The following TXNRD2 variants were observed in gnomAD, a reference collection of about 807,000 sequenced individuals.
TXNRD2 encodes the protein thioredoxin reductase 2, mitochondrial.
TXNRD2 carries 67 observed loss-of-function variants against 70.8 expected under a neutral mutation model. The ratio of observed to expected loss-of-function variants is 0.95; its 90% CI spans 0.78 to 1.16. The LOEUF (loss-of-function observed/expected upper bound fraction) is 1.16, where lower values mean the gene tolerates loss of function less well. Among genes scored for constraint, TXNRD2 ranks in the 50% most tolerant of loss-of-function variants. TXNRD2 has a pLI of 0.00. For missense variants in TXNRD2, 644 were observed against 719.9 expected (o/e 0.89, Z 1.21); for synonymous variants, 301 against 295.8 (o/e 1.02, Z -0.18).
intron 1 of TXNRD2, among the ~76,000 whole-genome samples, chr22:19,938,546 C>T (rs1003979544): frequency 6.6e-6 from 1 of 152,196 alleles, no homozygotes; most frequent in Non-Finnish European, 1.5e-5. Flanking sequence ...GCTTAAACAT[C>T]CCACTAACAT....
intron 1 of TXNRD2, among the ~76,000 whole-genome samples, chr22:19,941,454 G>C (rs1941710564): frequency 6.6e-6 from 1 of 152,164 alleles, no homozygotes; most frequent in South Asian, 2.1e-4. Context: ...GGAGACCACA[G>C]GTGCAGTCAG....
At position 19,918,998 on chromosome 22, in the gene TXNRD2, C is replaced by A. The variant is rs373979810; in HGVS notation, c.236G>T (p.Arg79Leu). ...DYVEPSPQGT[R>L]WGLGGTCVNV... ...GACGCAGGTGCCGCCGAGGCCCCAC[C>A]GGGTGCCTGGGACGTGGGAAGAGCA... The change falls in exon 4 of 18, where the codon CGG becomes CTG. Residue 79 changes from arginine to leucine, a missense_variant. By Grantham distance (102) the Arg-to-Leu change is moderately radical. Coordinates refer to ENST00000400521, the MANE Select transcript of TXNRD2 (RefSeq NM_006440.5). 6.2e-6 allele frequency: 10 copies of A among 1,609,618 alleles called. No homozygotes were observed. Among genetic ancestry groups the A allele is most frequent in the Admixed American group, 1.7e-5 (1 of 59,930 alleles).
At chr22:19,916,314 A>C in intron 5 of TXNRD2, 1 of 180,688 alleles carries the variant, frequency 5.5e-6, no homozygotes, top group South Asian at 1.2e-4. Flanking sequence ...ACAGAAACAA[A>C]TGACCCACGC....
At chr22:19,901,630 C>A (rs1029041187) in intron 8 of TXNRD2, among the ~76,000 whole-genome samples, 1 of 152,164 alleles carries the variant, frequency 6.6e-6, no homozygotes, top group Non-Finnish European at 1.5e-5. Context: ...TCCGTTCAGA[C>A]CAGCTAAAGT....
At chr22:19,879,060 C>CA (rs2145929095) in intron 14 of TXNRD2, among the ~76,000 whole-genome samples, 1 of 152,316 alleles carries the variant, frequency 6.6e-6, no homozygotes, top group East Asian at 1.9e-4. Context: ...GAAAAGAAAA[C>CA]AAACAGAGTA....
At chr22:19,899,005 T>A in intron 9 of TXNRD2, 44 bp downstream of exon 9, 1 of 1,602,954 alleles carries the variant, frequency 6.2e-7, no homozygotes. Context: ...AGGGAAGGAG[T>A]GTCCAGTTCC....
chr22:19,909,944 C>CCT (rs1940325158), intron 8 of TXNRD2, among the ~76,000 whole-genome samples: 4 of 119,608 alleles, frequency 3.3e-5, no homozygotes, highest in East Asian at 2.6e-4. Context: ...ACTCACACAC[C>CCT]ACACACACAC....
At chr22:19,911,294 C>T (rs1940397165) in intron 8 of TXNRD2, 83 bp downstream of exon 8, 3 of 1,148,408 alleles carry the variant, frequency 2.6e-6, no homozygotes, top group African/African-American at 1.5e-5. Context: ...CCCCAGGAGC[C>T]CAGCACCAGC....
chr22:19,917,318 G>C (rs1940682261), intron 5 of TXNRD2, among the ~76,000 whole-genome samples: 1 of 152,194 alleles, frequency 6.6e-6, no homozygotes, highest in Non-Finnish European at 1.5e-5. Context: ...ACACAGAAAT[G>C]CCACAGCACA....
intron 7 of TXNRD2, among the ~76,000 whole-genome samples, chr22:19,914,512 G>A (rs537963091): frequency 1.1e-4 from 16 of 151,970 alleles, no homozygotes; most frequent in South Asian, 2.1e-4. Flanking sequence ...ACACACATAC[G>A]AGTCACTAAG....
At chr22:19,923,574 G>A (rs1218117493) in intron 2 of TXNRD2, among the ~76,000 whole-genome samples, 1 of 152,122 alleles carries the variant, frequency 6.6e-6, no homozygotes, top group Admixed American at 6.6e-5. Flanking sequence ...ATCACCTGAG[G>A]TCAGGAGTTC....
rs368359642 is a variant in TXNRD2 at position 19,918,200 on chromosome 22, G to A, written c.392C>T (p.Ala131Val). The change falls in exon 5 of 18, where the codon GCT becomes GTT. Residue 131 changes from alanine to valine, a missense_variant. Around this residue, in one of 3 missense-constraint regions of TXNRD2, gnomAD observed 566 missense variants for 645.0 expected, o/e 0.88. Transcript: ENST00000400521. ...VPHDWRKMAE[A>V]VQNHVKSLNW... ...CAAGGATTTCACGTGATTTTGAACA[G>A]CTTCTGCCATCTTCCTCCTGTGAAG... is the stretch of plus-strand genomic sequence containing the variant. 9.3e-6 allele frequency: 15 copies of A among 1,614,128 alleles called. No individual in the cohort carries two copies. The Admixed American group carries it at 2.2e-4, about 23-fold the overall frequency.
At chr22:19,908,279 A>T (rs1300355813) in intron 8 of TXNRD2, among the ~76,000 whole-genome samples, 1 of 152,074 alleles carries the variant, frequency 6.6e-6, no homozygotes, top group African/African-American at 2.4e-5. Context: ...TCTTATCAAA[A>T]AGCTGATGCC....
At chr22:19,897,815 GCTGGAGGCCT>G (rs1939577438) in intron 10 of TXNRD2, among the ~76,000 whole-genome samples, 2 of 152,196 alleles carry the variant, frequency 1.3e-5, no homozygotes, top group Non-Finnish European at 2.9e-5. Flanking sequence ...CCTGTGGTCG[GCTGGAGGCCT>G]CTGTGCAGCT....
chr22:19,925,898 G>T (rs1389257076), intron 2 of TXNRD2, among the ~76,000 whole-genome samples: 1 of 152,200 alleles, frequency 6.6e-6, no homozygotes, highest in Non-Finnish European at 1.5e-5. Context: ...CGGGCATGGT[G>T]GCTCACGCCT....
At chr22:19,899,205 G>A in intron 8 of TXNRD2, 137 bp from the exon 9 acceptor site, 1 of 1,118,294 alleles carries the variant, frequency 8.9e-7, no homozygotes, top group Non-Finnish European at 1.3e-6. Context: ...CAAACAGCTT[G>A]CCCCAGGGGA....
chr22:19,903,055 G>C (rs1939848359), intron 8 of TXNRD2: 1 of 518,538 alleles, frequency 1.9e-6, no homozygotes, highest in Admixed American at 1.9e-5. Flanking sequence ...AGGAGTGCGA[G>C]GACAGACAGC....
chr22:19,904,318 A>T (rs1276338581), intron 8 of TXNRD2, among the ~76,000 whole-genome samples: 4 of 152,176 alleles, frequency 2.6e-5, no homozygotes, highest in Admixed American at 2.6e-4. Context: ...GTATGGCCCC[A>T]TTTTGCCAGC....
At chr22:19,880,325 C>A in intron 13 of TXNRD2, 54 bp from the exon 14 acceptor site, 1 of 1,544,148 alleles carries the variant, frequency 6.5e-7, no homozygotes, top group Non-Finnish European at 8.9e-7. Flanking sequence ...AACCGAAGTT[C>A]CCCACTGCAT....
Sources: gnomAD v4.1 joint callset for allele counts (sites outside exome capture counted in the v4.1 genomes callset) on GRCh38, gnomAD v4.1.1 for gene constraint, gnomAD v4.1.1 regional missense constraint, MANE v1.5 for transcripts, NCBI Gene and HGNC (gene_info 2026-07-23, HGNC 2026-07-21) for gene names.